STK39: variants seen among roughly 807,000 people sequenced by gnomAD.
The protein encoded by STK39 is STE20/SPS1-related proline-alanine-rich protein kinase.
A neutral mutation model predicts 77.8 loss-of-function variants in STK39; 20 were observed. That is an observed-to-expected ratio of 0.26 (90% confidence interval 0.18 to 0.37). STK39 has a LOEUF of 0.37. Ranked by LOEUF, STK39 falls within the 10% of genes least tolerant of loss-of-function variation. The pLI is 1.00. For missense variants in STK39, 479 were observed against 656.5 expected (o/e 0.73, Z 2.95); for synonymous variants, 246 against 234.1 (o/e 1.05, Z -0.47).
intron 1 of STK39, among the ~76,000 whole-genome samples, chr2:168,223,355 C>T (rs1267200577): frequency 6.6e-6 from 1 of 151,670 alleles, no homozygotes; most frequent in Non-Finnish European, 1.5e-5. Context: ...ACTAAAAATA[C>T]TAAAAAATTA....
At chr2:168,210,030 AAAGG>A (rs764085860) in intron 1 of STK39, among the ~76,000 whole-genome samples, 30,229 of 109,790 alleles carry the variant, frequency 0.28, 5,108 homozygotes, top group Non-Finnish European at 0.35. Context: ...GAAAGGAAAG[AAAGG>A]AAGGAAGGAA....
At position 168,050,814 on chromosome 2, in the gene STK39, G is replaced by A. The variant is rs1388330094; in HGVS notation, c.1376+12686C>T. Among the ~76,000 whole-genome samples the A allele has an allele frequency of 2.0e-5, 3 of 152,184 alleles. No homozygotes were observed. The East Asian group carries it at 5.8e-4, about 29-fold the overall frequency. Reference sequence around the variant, plus strand: ...GTAAATGGTAATCTGTTATAGCAGTGATAGAAAACTAATACAAAGGCCAAC... The same window carrying A: ...GTAAATGGTAATCTGTTATAGCAGTAATAGAAAACTAATACAAAGGCCAAC... On this transcript the variant is annotated intron_variant, in intron 14 of 17. Transcript: ENST00000355999.
chr2:168,225,177 A>T (rs1172200965), intron 1 of STK39, among the ~76,000 whole-genome samples: 2 of 152,202 alleles, frequency 1.3e-5, no homozygotes, highest in Admixed American at 6.5e-5. Context: ...ACCTTGAGAA[A>T]TCTTCCAGGG....
chr2:168,028,026 T>C (rs1044719606), intron 14 of STK39, among the ~76,000 whole-genome samples: 6 of 152,176 alleles, frequency 3.9e-5, no homozygotes, highest in African/African-American at 1.4e-4. Flanking sequence ...TAAGTTAAGG[T>C]GATTTTCTCT....
chr2:168,144,490 G>C (rs983294375), intron 5 of STK39, among the ~76,000 whole-genome samples: 7 of 151,734 alleles, frequency 4.6e-5, no homozygotes, highest in South Asian at 4.2e-4. Context: ...ATTTTTTGTA[G>C]ATATGGGGTC....
chr2:168,042,610 T>TCG (rs1177352310), intron 14 of STK39, among the ~76,000 whole-genome samples: 4 of 147,194 alleles, frequency 2.7e-5, no homozygotes, highest in African/African-American at 1.0e-4. Flanking sequence ...AGATGGAGTC[T>TCG]CGCTCTGTCA....
At chr2:168,130,345 G>GGT (rs946239238) in intron 8 of STK39, among the ~76,000 whole-genome samples, 1 of 152,174 alleles carries the variant, frequency 6.6e-6, no homozygotes, top group Non-Finnish European at 1.5e-5. Flanking sequence ...ATTTCCTCAT[G>GGT]GTGTCATTCA....
At position 168,075,003 on chromosome 2, in the gene STK39, T is replaced by C; in HGVS notation, c.1221A>G (p.Arg407=). Residue 407 remains arginine, a synonymous_variant, in exon 12 of 18, where the codon AGA becomes AGG. Transcript: ENST00000355999. The part of the protein sequence containing the change: ...KAAFSQEKSR[R]VKEENPEIAV... The stretch of plus-strand genomic sequence containing the variant: ...TCACCTCTGGATTTTCTTCTTTTAC[T>C]CTTCGTGACTGTAAAACAATTATGT... 1 of 1,613,836 alleles carries C rather than the reference T, an allele frequency of 6.2e-7. No individual in the cohort carries two copies. The highest frequency in any genetic ancestry group is 1.1e-5 in the South Asian group (1 of 91,068).
chr2:168,045,882 G>C (rs1451604008), intron 14 of STK39, among the ~76,000 whole-genome samples: 4 of 152,130 alleles, frequency 2.6e-5, no homozygotes, highest in Non-Finnish European at 5.9e-5. Context: ...ACCCTCACGA[G>C]TTACTGGTCT....
At position 167,968,691 on chromosome 2, in the gene STK39, T is replaced by C. The variant is rs149099668; in HGVS notation, c.1499-3965A>G. 6.0e-3 allele frequency among the ~76,000 whole-genome samples: 909 copies of C among 152,258 alleles called. 7 individuals carry two copies. The highest frequency in any genetic ancestry group is 0.024 in the Middle Eastern group (7 of 294). On this transcript the variant is annotated intron_variant, in intron 16 of 17. Coordinates refer to ENST00000355999, the MANE Select transcript of STK39 (RefSeq NM_013233.3). ...TATCCAAAGAGACACCCTGAATAGATTGATGCAGAAAGGCAGCATGAGATT... is the reference window on the plus strand; with the variant it reads ...TATCCAAAGAGACACCCTGAATAGACTGATGCAGAAAGGCAGCATGAGATT...
chr2:168,058,170 G>C (rs1262705119), intron 14 of STK39, among the ~76,000 whole-genome samples: 1 of 152,158 alleles, frequency 6.6e-6, no homozygotes, highest in East Asian at 1.9e-4. Flanking sequence ...CTTGAACCCA[G>C]TTGGACCAGG....
At chr2:168,042,866 C>G (rs1055745497) in intron 14 of STK39, among the ~76,000 whole-genome samples, 2 of 152,208 alleles carry the variant, frequency 1.3e-5, no homozygotes, top group Admixed American at 1.3e-4. Flanking sequence ...GAGTGAGCCA[C>G]TGCACCCAGC....
At chr2:168,117,828 G>T (rs1687298201) in intron 10 of STK39, among the ~76,000 whole-genome samples, 1 of 152,136 alleles carries the variant, frequency 6.6e-6, no homozygotes, top group South Asian at 2.1e-4. Flanking sequence ...TTACCTCCAA[G>T]TGATGTGCAC....
intron 14 of STK39, among the ~76,000 whole-genome samples, chr2:168,049,646 T>C (rs919567425): frequency 1.3e-5 from 2 of 152,138 alleles, no homozygotes; most frequent in Non-Finnish European, 2.9e-5. Flanking sequence ...TTGTCAGAAG[T>C]AAAAGAAACA....
At chr2:168,174,978 T>C (rs11890527) in intron 2 of STK39, among the ~76,000 whole-genome samples, 41,627 of 151,774 alleles carry the variant, frequency 0.27, 6,530 homozygotes, top group East Asian at 0.56. Flanking sequence ...ACAGTGACAA[T>C]GTAGGGTGTA....
rs890463208 is a variant in STK39 at position 168,050,025 on chromosome 2, T to C, written c.1376+13475A>G. Among the ~76,000 whole-genome samples the C allele has an allele frequency of 4.6e-5, 7 of 152,214 alleles. No homozygotes were observed. In the South Asian group the frequency reaches 1.2e-3, roughly 27 times the overall value. ...TTGTACTTTTAAGTAATCCCTCTTA[T>C]CAGCTGAAAGGGATAATATGCAATT... On this transcript the variant is annotated intron_variant, in intron 14 of 17. Transcript: ENST00000355999.
intron 10 of STK39, among the ~76,000 whole-genome samples, chr2:168,082,505 C>T (rs1317271899): frequency 6.6e-6 from 1 of 152,232 alleles, no homozygotes; most frequent in Non-Finnish European, 1.5e-5. Flanking sequence ...GGCCATAACA[C>T]TGTCTTGTAG....
chr2:168,075,377 C>G, intron 10 of STK39, 146 bp from the exon 11 acceptor site: 1 of 1,145,774 alleles, frequency 8.7e-7, no homozygotes, highest in East Asian at 2.4e-5. Context: ...GGTTAAGATC[C>G]AAAAAGACTA....
chr2:168,076,084 A>G (rs1686070246), intron 10 of STK39, among the ~76,000 whole-genome samples: 1 of 152,202 alleles, frequency 6.6e-6, no homozygotes, highest in African/African-American at 2.4e-5. Flanking sequence ...CTAAGATGTA[A>G]TTAAACAAAG....
Sources: gnomAD v4.1 joint callset for allele counts (sites outside exome capture counted in the v4.1 genomes callset) on GRCh38, gnomAD v4.1.1 for gene constraint, MANE v1.5 for transcripts, NCBI Gene and HGNC (gene_info 2026-07-23, HGNC 2026-07-21) for gene names.